MAPK14: variants seen among roughly 807,000 people sequenced by gnomAD.
MAPK14 encodes the protein mitogen-activated protein kinase 14, also known as CSAID-binding protein.
A neutral mutation model predicts 49.6 loss-of-function variants in MAPK14; 16 were observed. That is an observed-to-expected ratio of 0.32 (90% CI 0.22 to 0.49). MAPK14 has a LOEUF of 0.49. Ranked by LOEUF, MAPK14 falls within the 20% of genes least tolerant of loss-of-function variation. The pLI is 0.99. For synonymous variants in MAPK14, 142 were observed against 158.0 expected, an observed-to-expected ratio of 0.90 and a Z score of 0.76; for missense variants, 200 against 441.2, an observed-to-expected ratio of 0.45 and a Z score of 4.90.
At chr6:36,053,150 A>C (rs2127418282) in intron 2 of MAPK14, among the ~76,000 whole-genome samples, 2 of 150,382 alleles carry the variant, frequency 1.3e-5, no homozygotes, top group Middle Eastern at 6.8e-3. Flanking sequence ...GAAGTTATGT[A>C]TTCTTTGCCT....
intron 1 of MAPK14, among the ~76,000 whole-genome samples, chr6:36,031,856 T>C (rs1231579335): frequency 6.6e-6 from 1 of 152,222 alleles, no homozygotes; most frequent in Non-Finnish European, 1.5e-5. Context: ...ATAGGAGTTA[T>C]AACTATAAAG....
At chr6:36,074,879 G>T (rs558985307) in intron 6 of MAPK14, among the ~76,000 whole-genome samples, 1 of 151,764 alleles carries the variant, frequency 6.6e-6, no homozygotes, top group Admixed American at 6.6e-5. Flanking sequence ...CTCTCAAAGT[G>T]CTGGGATTGC....
At chr6:36,067,799 A>C (rs1267081084) in intron 3 of MAPK14, among the ~76,000 whole-genome samples, 1 of 152,148 alleles carries the variant, frequency 6.6e-6, no homozygotes, top group Admixed American at 6.6e-5. Context: ...CCCTTGTCTT[A>C]TCTTACTAGT....
chr6:36,123,549 T>C, the MAPK14 span, among the ~76,000 whole-genome samples: 1 of 152,182 alleles, frequency 6.6e-6, no homozygotes. Flanking sequence ...CTTCCTCCTA[T>C]GGGTAGTACC....
At chr6:36,030,754 T>A (rs1423494224) in intron 1 of MAPK14, among the ~76,000 whole-genome samples, 1 of 151,202 alleles carries the variant, frequency 6.6e-6, no homozygotes, top group Non-Finnish European at 1.5e-5. Context: ...GCCACTCTAC[T>A]CTCTCAAAGA....
the MAPK14 span, among the ~76,000 whole-genome samples, chr6:36,116,779 C>T: frequency 6.6e-6 from 1 of 152,152 alleles, no homozygotes; most frequent in Non-Finnish European, 1.5e-5. Context: ...TCACCTCCTT[C>T]CCCCTACTTT....
intron 3 of MAPK14, among the ~76,000 whole-genome samples, chr6:36,072,615 A>T (rs1401024586): frequency 2.6e-5 from 4 of 151,928 alleles, no homozygotes; most frequent in Non-Finnish European, 5.9e-5. Context: ...AAATACAAAG[A>T]TTAGCCGGGC....
At chr6:36,072,790 C>A (rs983968378) in intron 3 of MAPK14, 83 bp from the exon 4 acceptor site, 9 of 788,450 alleles carry the variant, frequency 1.1e-5, no homozygotes, top group African/African-American at 3.5e-5. Context: ...ACCAAAAAAA[C>A]CAAAAAACTT....
intron 1 of MAPK14, among the ~76,000 whole-genome samples, chr6:36,045,659 A>G (rs1763144446): frequency 6.6e-6 from 1 of 151,962 alleles, no homozygotes; most frequent in African/African-American, 2.4e-5. Context: ...ATACAAAAAA[A>G]CTAGCTGGGT....
rs568038766 is a variant in MAPK14 at position 36,074,718 on chromosome 6, C to T, written c.495+622C>T. On this transcript the variant is annotated intron_variant, in intron 6 of 11. Transcript: ENST00000229794. ...GCAACCTCTGCCTCCCGGGTTCAAG[C>T]GATTCTCCTGCCTCAGCCTCCCGAG... Among the ~76,000 whole-genome samples, 25 of 151,826 alleles carry T rather than the reference C, an allele frequency of 1.6e-4. No homozygotes were observed. The East Asian group carries it at 3.5e-3, about 21-fold the overall frequency.
intron 1 of MAPK14, among the ~76,000 whole-genome samples, chr6:36,036,614 T>G (rs780018712): frequency 2.0e-5 from 3 of 152,164 alleles, no homozygotes; most frequent in South Asian, 2.1e-4. Context: ...CCCTGAGTAG[T>G]CAGCAGCCAT....
the MAPK14 span, among the ~76,000 whole-genome samples, chr6:36,118,812 G>A: frequency 1.3e-5 from 2 of 152,168 alleles, no homozygotes; most frequent in South Asian, 4.1e-4. Flanking sequence ...GAGGCAAACA[G>A]CCGAGTGGCT....
In MAPK14 at chr6:36,028,174, C is replaced by T. The variant is rs1399695551; in HGVS notation, c.17C>T (p.Pro6Leu). MSQERPTFYRQELNKT... is the reference protein window; with the variant it reads MSQERLTFYRQELNKT... ...CGCTGGAAAATGTCTCAGGAGAGGC[C>T]CACGTTCTACCGGCAGGAGCTGAAC... Residue 6 changes from proline to leucine, a missense_variant, in exon 1 of 12, where the codon CCC (proline) becomes CTC (leucine). Pro to Leu is a moderately conservative substitution (Grantham distance 98). Transcript: ENST00000229794. This position sits in a 1 kb window ranked among gnomAD's most constrained non-coding sequence, Gnocchi z 5.1. 1.9e-6 allele frequency: 3 copies of T among 1,613,406 alleles called. No homozygotes were observed. Among genetic ancestry groups the T allele is most frequent in the Non-Finnish European group, 1.7e-6 (2 of 1,179,530 alleles).
downstream of MAPK14, among the ~76,000 whole-genome samples, chr6:36,111,673 G>C (rs1189549889): frequency 1.3e-5 from 2 of 152,102 alleles, no homozygotes; most frequent in African/African-American, 4.8e-5. Flanking sequence ...TTGCTGATGT[G>C]CTTCCTTTCT....
chr6:36,074,019 G>A (rs781535897), intron 5 of MAPK14, 30 bp from the exon 6 acceptor site: 1 of 1,558,572 alleles, frequency 6.4e-7, no homozygotes, highest in South Asian at 1.1e-5. Context: ...TCATAAAGTT[G>A]ATCCTGTCTT....
chr6:36,091,354 T>G (rs1765221163), intron 8 of MAPK14, among the ~76,000 whole-genome samples: 2 of 152,238 alleles, frequency 1.3e-5, no homozygotes, highest in South Asian at 4.1e-4. Context: ...TTCATTTGTT[T>G]TAGAAAGATT....
rs7741083 is a variant in MAPK14 at position 36,045,227 on chromosome 6, T to C, written c.117-7472T>C. On this transcript the variant is annotated intron_variant, in intron 1 of 11. Coordinates refer to ENST00000229794, the MANE Select transcript of MAPK14 (RefSeq NM_139012.3). ...GCCTTACGACAGCAATCTGTACTGA[T>C]GGATGCTCTAAAAAGAAAACCATCT... Among the ~76,000 whole-genome samples, 1,029 of 152,306 alleles carry C rather than the reference T, an allele frequency of 6.8e-3. 9 individuals carry two copies. Among genetic ancestry groups the C allele is most frequent in the African/African-American group, 0.024 (977 of 41,562 alleles).
rs773907776 is a variant in MAPK14, at chr6:36,107,022, G to A, written c.842-433G>A. ...TGACATTGACGGTCCACAAAAGCCT[G>A]TTCAAACAGAATCCCAGTCATTTAA... On this transcript the variant is annotated intron_variant, in intron 10 of 11. Transcript: ENST00000229794. This position sits in a 1 kb window ranked among gnomAD's most constrained non-coding sequence, Gnocchi z 4.3. Among the ~76,000 whole-genome samples the A allele has an allele frequency of 2.6e-5, 4 of 152,132 alleles. No homozygotes were observed. Among genetic ancestry groups the A allele is most frequent in the African/African-American group, 9.7e-5 (4 of 41,422 alleles).
intron 3 of MAPK14, among the ~76,000 whole-genome samples, chr6:36,061,141 T>C (rs1023518955): frequency 1.3e-5 from 2 of 152,204 alleles, no homozygotes; most frequent in Non-Finnish European, 2.9e-5. Context: ...GCTGAAGTAA[T>C]GTGTTTGTGA....
Sources: gnomAD v4.1 joint callset for allele counts (sites outside exome capture counted in the v4.1 genomes callset) on GRCh38, gnomAD v4.1.1 for gene constraint, Gnocchi (gnomAD v3.1) non-coding constraint, MANE v1.5 for transcripts, NCBI Gene and HGNC (gene_info 2026-07-23, HGNC 2026-07-21) for gene names.